Variants in CTNND2 observed in about 807,000 individuals in gnomAD.
CTNND2 encodes the protein catenin delta-2.
Under a neutral mutation model 144.4 loss-of-function variants are expected in CTNND2, and 22 were observed. That is an observed-to-expected ratio of 0.15 (90% CI 0.11 to 0.22). The LOEUF is 0.22. Among genes scored for constraint, CTNND2 ranks in the 10% least tolerant of loss-of-function variants. The pLI, the probability that CTNND2 is intolerant of heterozygous loss-of-function variation, is 1.00. For synonymous variants in CTNND2, 751 were observed against 695.6 expected (o/e 1.08, Z -1.25); for missense variants, 1,353 against 1,618.8 (o/e 0.84, Z 2.82).
intron 3 of CTNND2, among the ~76,000 whole-genome samples, chr5:11,544,072 G>A (rs1318673432): frequency 6.6e-6 from 1 of 152,090 alleles, no homozygotes; most frequent in Non-Finnish European, 1.5e-5. Context: ...TGAATTATCA[G>A]ATGCAGAAAA....
chr5:11,791,254 T>C (rs756236855), intron 1 of CTNND2, among the ~76,000 whole-genome samples: 2 of 152,180 alleles, frequency 1.3e-5, no homozygotes, highest in Non-Finnish European at 2.9e-5. Context: ...ACATAGTTGG[T>C]CATACTTTGT....
intron 15 of CTNND2, among the ~76,000 whole-genome samples, chr5:11,089,714 T>A (rs1750561778): frequency 1.3e-5 from 2 of 152,168 alleles, no homozygotes; most frequent in Non-Finnish European, 2.9e-5. Context: ...TGCTAGGGTT[T>A]AAAATGGTTA....
intron 9 of CTNND2, among the ~76,000 whole-genome samples, chr5:11,300,506 C>T (rs1214423799): frequency 6.6e-6 from 1 of 152,166 alleles, no homozygotes; most frequent in Non-Finnish European, 1.5e-5. Flanking sequence ...GTGTGAATAA[C>T]AGGCCTGGGG....
At chr5:11,478,159 T>C (rs539933502) in intron 3 of CTNND2, among the ~76,000 whole-genome samples, 3 of 152,336 alleles carry the variant, frequency 2.0e-5, no homozygotes, top group South Asian at 2.1e-4. Context: ...GATATAAGTA[T>C]GTGTGTGTGC....
At chr5:11,673,781 A>C (rs1451098212) in intron 2 of CTNND2, among the ~76,000 whole-genome samples, 2 of 152,236 alleles carry the variant, frequency 1.3e-5, no homozygotes, top group Admixed American at 6.5e-5. Flanking sequence ...AAAGAAAAAT[A>C]AATATAAAAC....
chr5:11,264,067 G>A (rs182494266), intron 9 of CTNND2, among the ~76,000 whole-genome samples: 1 of 152,270 alleles, frequency 6.6e-6, no homozygotes, highest in Non-Finnish European at 1.5e-5. Context: ...ATTCTGATAA[G>A]TCTTTATTCT....
chr5:11,546,411 A>G (rs538057517), intron 3 of CTNND2, among the ~76,000 whole-genome samples: 2 of 152,234 alleles, frequency 1.3e-5, no homozygotes, highest in Admixed American at 1.3e-4. Context: ...AGACAAAACA[A>G]AACAAAAATT....
chr5:11,508,291 G>A (rs1156852794), intron 3 of CTNND2: 2 of 152,164 alleles, frequency 1.3e-5, no homozygotes, highest in Non-Finnish European at 2.9e-5. Context: ...CACTGCATTT[G>A]AAGACAATGT....
At chr5:11,873,895 C>T (rs1046804711) in intron 1 of CTNND2, among the ~76,000 whole-genome samples, 2 of 152,148 alleles carry the variant, frequency 1.3e-5, no homozygotes, top group Non-Finnish European at 2.9e-5. Flanking sequence ...ACACAAGCCC[C>T]CACTGGTGAC....
Position 11,803,328 on chromosome 5 carries a change from A to G in CTNND2, c.38-71056T>C, listed in dbSNP as rs201805745. 2.3e-3 allele frequency among the ~76,000 whole-genome samples: 76 copies of G among 32,904 alleles called. 1 individual carries two copies. The highest frequency in any genetic ancestry group is 2.7e-3 in the African/African-American group (66 of 24,820). The allele number at this position is 32,904 out of a possible 152,430, so 21.6% of individuals were successfully genotyped here. A position where few individuals can be genotyped will look rare whatever the true frequency, so the allele number is the denominator to read the frequency against. ...AGCGAGACTGCGTCTCAAAAAAAAA[A>G]GAAAAAAAAATATGCACAAGAGTGC... is the stretch of plus-strand genomic sequence containing the variant. On this transcript the variant is annotated intron_variant, in intron 1 of 21. Coordinates refer to ENST00000304623, the MANE Select transcript of CTNND2 (RefSeq NM_001332.4).
chr5:11,108,033 A>G lies in CTNND2; in HGVS notation c.2463+2825T>C, dbSNP rs139534522. 3.6e-3 allele frequency among the ~76,000 whole-genome samples: 544 copies of G among 152,354 alleles called. 3 individuals carry two copies. The highest frequency in any genetic ancestry group is 9.0e-3 in the East Asian group (47 of 5,194). On this transcript the variant is annotated intron_variant, in intron 14 of 21. Transcript: ENST00000304623. ...TCGCTCTCTTTGGGGATCAATTGCT[A>G]TACTTAACCCATAATATGATAATAA...
At chr5:11,796,527 A>G (rs1037549746) in intron 1 of CTNND2, among the ~76,000 whole-genome samples, 1 of 152,188 alleles carries the variant, frequency 6.6e-6, no homozygotes, top group East Asian at 1.9e-4. Flanking sequence ...CTTTGTACCT[A>G]TAACATTGCT....
At chr5:11,187,421 A>G (rs185394773) in intron 11 of CTNND2, among the ~76,000 whole-genome samples, 9 of 152,298 alleles carry the variant, frequency 5.9e-5, no homozygotes, top group Non-Finnish European at 1.0e-4. Context: ...TTGAAACTGG[A>G]CCGCTTCCTT....
At chr5:10,980,973 C>T (rs1170115777) in intron 21 of CTNND2, among the ~76,000 whole-genome samples, 6 of 152,004 alleles carry the variant, frequency 3.9e-5, no homozygotes, top group Non-Finnish European at 8.8e-5. Context: ...AGAAAACCAC[C>T]GTGGCACGTG....
intron 6 of CTNND2, among the ~76,000 whole-genome samples, chr5:11,390,704 C>A (rs962587819): frequency 6.6e-6 from 1 of 152,194 alleles, no homozygotes; most frequent in Admixed American, 6.5e-5. Context: ...GCAGCCGGGC[C>A]AACAGTGTCA....
intron 2 of CTNND2, among the ~76,000 whole-genome samples, chr5:11,686,957 G>T (rs529836267): frequency 6.6e-6 from 1 of 151,260 alleles, no homozygotes; most frequent in Non-Finnish European, 1.5e-5. Flanking sequence ...GTAAGAAAAT[G>T]GTATTTTTCA....
At chr5:11,524,510 C>T (rs1013952303) in intron 3 of CTNND2, among the ~76,000 whole-genome samples, 7 of 152,118 alleles carry the variant, frequency 4.6e-5, no homozygotes, top group South Asian at 2.1e-4. Flanking sequence ...TGAGTGAGGA[C>T]GCTCCTGGTG....
At chr5:11,748,269 T>C (rs1788425196) in intron 1 of CTNND2, among the ~76,000 whole-genome samples, 1 of 152,120 alleles carries the variant, frequency 6.6e-6, no homozygotes, top group African/African-American at 2.4e-5. Flanking sequence ...TAACAAATTT[T>C]GAAATTTTAA....
At chr5:11,345,079 A>G (rs891457432) in intron 9 of CTNND2, among the ~76,000 whole-genome samples, 3 of 152,196 alleles carry the variant, frequency 2.0e-5, no homozygotes, top group African/African-American at 7.2e-5. Flanking sequence ...GTTCACTATT[A>G]CGCTATTTCT....
Sources: gnomAD v4.1 joint callset for allele counts (sites outside exome capture counted in the v4.1 genomes callset) on GRCh38, gnomAD v4.1.1 for gene constraint, MANE v1.5 for transcripts, NCBI Gene and HGNC (gene_info 2026-07-23, HGNC 2026-07-21) for gene names.